CDH18: variants seen among roughly 807,000 people sequenced by gnomAD.
CDH18 encodes cadherin-18.
Under a neutral mutation model 67.9 loss-of-function variants are expected in CDH18, and 31 were observed. The observed-to-expected ratio is 0.46, with a 90% CI of 0.34 to 0.62. The LOEUF (loss-of-function observed/expected upper bound fraction) is 0.62. Ranked by LOEUF, CDH18 falls within the 20% of genes least tolerant of loss-of-function variation. The pLI is 0.01. For synonymous variants in CDH18, 362 were observed against 347.2 expected, an observed-to-expected ratio of 1.04 and a Z score of -0.48; for missense variants, 890 against 975.5, an observed-to-expected ratio of 0.91 and a Z score of 1.17.
intron 5 of CDH18, among the ~76,000 whole-genome samples, chr5:19,718,912 CTATAA>C (rs1442514355): frequency 2.6e-5 from 4 of 152,122 alleles, no homozygotes; most frequent in East Asian, 1.9e-4. Context: ...CTCACTTAAA[CTATAA>C]TATATGTACA....
intron 2 of CDH18, among the ~76,000 whole-genome samples, chr5:19,885,373 A>G (rs1460194372): frequency 2.0e-5 from 3 of 152,240 alleles, no homozygotes; most frequent in Admixed American, 6.6e-5. Context: ...AGATTTGCAT[A>G]CAGCATTTGG....
chr5:20,537,376 C>T (rs1271520081), intron 1 of CDH18, among the ~76,000 whole-genome samples: 1 of 145,678 alleles, frequency 6.9e-6, no homozygotes, highest in Non-Finnish European at 1.5e-5. Context: ...TATAACAATG[C>T]TAACATGTCT....
intron 1 of CDH18, among the ~76,000 whole-genome samples, chr5:20,536,499 C>T (rs1214585723): frequency 1.3e-5 from 2 of 152,146 alleles, no homozygotes; most frequent in Non-Finnish European, 2.9e-5. Context: ...GAATAAACTT[C>T]CCTCATGCTT....
chr5:19,709,287 G>A (rs1328205721), intron 5 of CDH18, among the ~76,000 whole-genome samples: 2 of 152,104 alleles, frequency 1.3e-5, no homozygotes, highest in Non-Finnish European at 2.9e-5. Flanking sequence ...AAAAGGCTTG[G>A]CCCAGCACGG....
chr5:20,041,717 T>C (rs917712126), intron 2 of CDH18, among the ~76,000 whole-genome samples: 2 of 152,222 alleles, frequency 1.3e-5, no homozygotes, highest in Non-Finnish European at 2.9e-5. Context: ...TTATTTTCTT[T>C]TAAACAGCAA....
chr5:20,541,778 G>A (rs563341283), intron 1 of CDH18, among the ~76,000 whole-genome samples: 1 of 152,292 alleles, frequency 6.6e-6, no homozygotes, highest in African/African-American at 2.4e-5. Flanking sequence ...AAAGAAATCA[G>A]CAGAGTGTTG....
chr5:20,420,179 C>G (rs952952601), intron 1 of CDH18, among the ~76,000 whole-genome samples: 7 of 151,066 alleles, frequency 4.6e-5, no homozygotes, highest in Non-Finnish European at 8.8e-5. Context: ...TGTCATGTGG[C>G]TACTTTGAAG....
intron 9 of CDH18, among the ~76,000 whole-genome samples, chr5:19,537,913 T>C (rs1043438185): frequency 1.3e-5 from 2 of 152,142 alleles, no homozygotes; most frequent in African/African-American, 4.8e-5. Flanking sequence ...AATACCAACA[T>C]ACTGGAATAG....
intron 1 of CDH18, among the ~76,000 whole-genome samples, chr5:20,367,526 T>C (rs1037438858): frequency 3.4e-4 from 51 of 152,174 alleles, no homozygotes; most frequent in African/African-American, 1.1e-3. Context: ...AATATTTGCG[T>C]TGTAGTTTTT....
At chr5:20,154,492 T>C (rs9885078) in intron 2 of CDH18, among the ~76,000 whole-genome samples, 2,546 of 152,262 alleles carry the variant, frequency 0.017, 75 homozygotes, top group African/African-American at 0.058. Context: ...TTTTTCCAAT[T>C]GCTTTTGGAG....
At chr5:19,983,410 G>A (rs1799257772) in intron 1 of CDH18, among the ~76,000 whole-genome samples, 1 of 152,064 alleles carries the variant, frequency 6.6e-6, no homozygotes, top group African/African-American at 2.4e-5. Flanking sequence ...TTCAGTGGAG[G>A]CGTCTGCACA....
intron 1 of CDH18, among the ~76,000 whole-genome samples, chr5:20,470,699 T>C (rs941850486): frequency 2.6e-5 from 4 of 152,176 alleles, no homozygotes; most frequent in Non-Finnish European, 5.9e-5. Flanking sequence ...GCAATAGCAT[T>C]GTGGAAGGAA....
In CDH18 at chr5:20,168,376, GAACA is replaced by G. The variant is rs148241638; in HGVS notation, c.-518+87064_-518+87067del. Among the ~76,000 whole-genome samples, 921 of 151,118 alleles carry G rather than the reference GAACA, an allele frequency of 6.1e-3. 9 individuals carry two copies. The highest frequency in any genetic ancestry group is 0.021 in the African/African-American group (853 of 41,202). ...TAATAACTTAAGCAAAGCTTAAAAG[GAACA>G]AACAAAGATAATAAATGTATACTCA... is the stretch of plus-strand genomic sequence containing the variant. On this transcript the variant is annotated intron_variant, in intron 2 of 14. Coordinates refer to the CDH18 transcript ENST00000507958.
At chr5:19,990,875 C>A (rs76495406), upstream of CDH18, among the ~76,000 whole-genome samples, 10,723 of 152,218 alleles carry the variant, frequency 0.07, 414 homozygotes, top group East Asian at 0.14. Flanking sequence ...CTTGTTTTCT[C>A]TTTATGTCTA....
At chr5:20,552,428 G>C (rs768379526) in intron 1 of CDH18, among the ~76,000 whole-genome samples, 4 of 152,126 alleles carry the variant, frequency 2.6e-5, no homozygotes, top group Non-Finnish European at 5.9e-5. Context: ...TGTGAGCAGA[G>C]ACCATGCCAC....
chr5:20,106,338 T>G (rs2150584249), intron 2 of CDH18, among the ~76,000 whole-genome samples: 1 of 152,338 alleles, frequency 6.6e-6, no homozygotes, highest in East Asian at 1.9e-4. Context: ...TTCCTACTTG[T>G]TTTCTTAACG....
rs534362870 is a variant in CDH18, at chr5:20,242,522, T to C, written c.-518+12922A>G. On this transcript the variant is annotated intron_variant, in intron 2 of 14. Transcript: ENST00000507958. ...TCTGTAATACTGTCTCTCAGATTCA[T>C]CCAAGTTGTCCCAAATGACAGGATT... Among the ~76,000 whole-genome samples the C allele has an allele frequency of 6.7e-5, 10 of 148,868 alleles. No individual in the cohort carries two copies. The South Asian group carries it at 2.1e-3, about 31-fold the overall frequency.
intron 2 of CDH18, among the ~76,000 whole-genome samples, chr5:19,895,077 T>C (rs1789167934): frequency 6.6e-6 from 1 of 152,154 alleles, no homozygotes; most frequent in Non-Finnish European, 1.5e-5. Flanking sequence ...CTCTATGTAG[T>C]AGATATTTTG....
At chr5:20,030,100 C>T (rs756572851) in intron 2 of CDH18, among the ~76,000 whole-genome samples, 3 of 152,112 alleles carry the variant, frequency 2.0e-5, no homozygotes, top group Non-Finnish European at 2.9e-5. Context: ...AAGAACTATC[C>T]TATTGCATAA....
Sources: gnomAD v4.1 joint callset for allele counts (sites outside exome capture counted in the v4.1 genomes callset) on GRCh38, gnomAD v4.1.1 for gene constraint, MANE v1.5 for transcripts, NCBI Gene and HGNC (gene_info 2026-07-23, HGNC 2026-07-21) for gene names.